The following AGPAT3 variants were observed in gnomAD, a reference collection of about 807,000 sequenced individuals.
The protein encoded by AGPAT3 is 1-acylglycerol-3-phosphate O-acyltransferase 3, also known as 1-acyl-sn-glycerol-3-phosphate acyltransferase gamma.
AGPAT3 carries 5 observed loss-of-function variants against 47.3 expected under a neutral mutation model. The observed-to-expected ratio is 0.11, with a 90% CI of 0.06 to 0.22. The LOEUF is 0.22. AGPAT3 is among the 10% of genes least tolerant of loss of function. The pLI is 1.00. For synonymous variants in AGPAT3, 212 were observed against 208.3 expected (o/e 1.02, Z -0.15); for missense variants, 315 against 493.0 (o/e 0.64, Z 3.42).
chr21:43,887,234 G>T (rs2085999294), intron 1 of AGPAT3, among the ~76,000 whole-genome samples: 1 of 152,178 alleles, frequency 6.6e-6, no homozygotes, highest in Non-Finnish European at 1.5e-5. Flanking sequence ...AGCTGCAATG[G>T]CCCCAAGCCT....
intron 7 of AGPAT3, among the ~76,000 whole-genome samples, chr21:43,976,484 G>C (rs1010898231): frequency 3.3e-5 from 5 of 152,240 alleles, no homozygotes; most frequent in Admixed American, 3.3e-4. Flanking sequence ...ACAGGCATGA[G>C]CCACTGTGCC....
intron 2 of AGPAT3, among the ~76,000 whole-genome samples, chr21:43,923,268 C>T (rs2086949036): frequency 6.6e-6 from 1 of 152,166 alleles, no homozygotes; most frequent in South Asian, 2.1e-4. Context: ...CATGTACCTC[C>T]AGATTCATGC....
In AGPAT3 at chr21:43,985,171, A is replaced by G. The variant is rs767747071; in HGVS notation, c.*2779A>G. Reference sequence around the variant, plus strand: ...AGCTTAGGCCCAGGTGCCAGGTGTCATGGGGTCTCCTGCCCATCTTCCCAA... The same window carrying G: ...AGCTTAGGCCCAGGTGCCAGGTGTCGTGGGGTCTCCTGCCCATCTTCCCAA... On this transcript the variant is annotated 3_prime_UTR_variant, in exon 10 of 10. Coordinates refer to ENST00000291572, the MANE Select transcript of AGPAT3 (RefSeq NM_020132.5). The G allele has an allele frequency of 2.2e-6, 1 of 456,282 alleles. No individual in the cohort carries two copies. The highest frequency in any genetic ancestry group is 1.5e-5 in the South Asian group (1 of 64,572). The allele number at this position is 456,282 out of a possible 1,614,324, so 28.3% of individuals were successfully genotyped here. A position where few individuals can be genotyped will look rare whatever the true frequency, so the allele number is the denominator to read the frequency against.
At chr21:43,960,052 A>G (rs1349703197) in intron 3 of AGPAT3, among the ~76,000 whole-genome samples, 193 bp downstream of exon 3, 1 of 152,068 alleles carries the variant, frequency 6.6e-6, no homozygotes, top group Non-Finnish European at 1.5e-5. Context: ...GTGACGTGCC[A>G]CTCTCACCAT....
chr21:43,873,073 C>T (rs561601822), intron 1 of AGPAT3, among the ~76,000 whole-genome samples: 8 of 152,174 alleles, frequency 5.3e-5, no homozygotes, highest in Admixed American at 2.0e-4. Flanking sequence ...CTGGTGCCAG[C>T]GTGGCTGCTT....
chr21:43,878,080 C>T (rs1030327704), intron 1 of AGPAT3, among the ~76,000 whole-genome samples: 1 of 152,140 alleles, frequency 6.6e-6, no homozygotes, highest in Non-Finnish European at 1.5e-5. Flanking sequence ...TTCAGTGGCC[C>T]TGCGCTTTCC....
chr21:43,906,238 C>T (rs115747329), intron 2 of AGPAT3, among the ~76,000 whole-genome samples: 2,490 of 152,158 alleles, frequency 0.016, 62 homozygotes, highest in African/African-American at 0.053. Flanking sequence ...TTCACCAAAC[C>T]GGGTGACTGT....
intron 1 of AGPAT3, among the ~76,000 whole-genome samples, chr21:43,889,655 C>G (rs2086058748): frequency 6.6e-6 from 1 of 152,178 alleles, no homozygotes; most frequent in Admixed American, 6.5e-5. Flanking sequence ...ATGCTGTGTA[C>G]AGCCATGCCA....
At position 43,983,155 on chromosome 21, in the gene AGPAT3, A is replaced by T. The variant is rs1364472033; in HGVS notation, c.*763A>T. 1 of 152,206 alleles carries T rather than the reference A, an allele frequency of 6.6e-6. No individual in the cohort carries two copies. The highest frequency in any genetic ancestry group is 2.4e-5 in the African/African-American group (1 of 41,448). 9.4% of individuals were successfully genotyped at this position (152,206 alleles called of 1,614,324 possible). A position where few individuals can be genotyped will look rare whatever the true frequency, so the allele number is the denominator to read the frequency against. On this transcript the variant is annotated 3_prime_UTR_variant, in exon 10 of 10. Transcript: ENST00000291572. The stretch of plus-strand genomic sequence containing the variant: ...CACCTAAAGCTCCTTTGTCGCTCTC[A>T]TGGCTGTCAGATCCTGGTCCCTCCA...
Position 43,955,687 on chromosome 21 carries a change from C to T in AGPAT3, c.-48-3947C>T, listed in dbSNP as rs1335394552. On this transcript the variant is annotated intron_variant, in intron 2 of 9. Coordinates refer to ENST00000291572, the MANE Select transcript of AGPAT3 (RefSeq NM_020132.5). The surrounding 1 kb of genome is among the most constrained non-coding windows in gnomAD (Gnocchi z 4.1). Reference sequence around the variant, plus strand: ...TTGGGAGGTCGAGTTGGGCGGATTACCTGAGGTCAGGAGATCGAGGCCAGC... The same window carrying T: ...TTGGGAGGTCGAGTTGGGCGGATTATCTGAGGTCAGGAGATCGAGGCCAGC... 6.6e-6 allele frequency among the ~76,000 whole-genome samples: 1 copy of T among 151,930 alleles called. No homozygotes were observed. The highest frequency in any genetic ancestry group is 1.5e-5 in the Non-Finnish European group (1 of 67,982).
intron 1 of AGPAT3, among the ~76,000 whole-genome samples, chr21:43,875,931 GTTA>G (rs2085724358): frequency 6.6e-6 from 1 of 151,938 alleles, no homozygotes; most frequent in Non-Finnish European, 1.5e-5. Flanking sequence ...TATTTAACCT[GTTA>G]TTGTTGTTCT....
At chr21:43,866,457 G>A (rs9977718) in intron 1 of AGPAT3, among the ~76,000 whole-genome samples, 1,636 of 152,200 alleles carry the variant, frequency 0.011, 29 homozygotes, top group African/African-American at 0.038. Flanking sequence ...TTGCAGGCGC[G>A]GCTGCTCCGA....
At position 43,958,735 on chromosome 21, in the gene AGPAT3, ATGTGTGTGGTTTGCAGTGTGTAG is replaced by A. The variant is rs2146597649; in HGVS notation, c.-48-885_-48-863del. Among the ~76,000 whole-genome samples the A allele has an allele frequency of 2.8e-5, 3 of 108,622 alleles. No individual in the cohort carries two copies. In the South Asian group the frequency reaches 9.5e-4, roughly 34 times the overall value. 71.3% of individuals were successfully genotyped at this position (108,622 alleles called of 152,430 possible). ...GTTTGTGATGTGTGGTGTGTGTGGC[ATGTGTGTGGTTTGCAGTGTGTAG>A]TGTGTGTGGTTTGTGATGTGTGTGT... On this transcript the variant is annotated intron_variant, in intron 2 of 9. Transcript: ENST00000291572.
At chr21:43,926,547 A>C (rs1248920060) in intron 2 of AGPAT3, among the ~76,000 whole-genome samples, 1 of 150,542 alleles carries the variant, frequency 6.6e-6, no homozygotes, top group African/African-American at 2.4e-5. Flanking sequence ...CCCAGCCCCC[A>C]CGGCGCGTTC....
chr21:43,974,662 TGTG>T (rs1285080957), intron 7 of AGPAT3, among the ~76,000 whole-genome samples: 1 of 151,714 alleles, frequency 6.6e-6, no homozygotes, highest in African/African-American at 2.4e-5. Flanking sequence ...AAATTATAAA[TGTG>T]TGTGTGGTGT....
rs142996448 is a variant in AGPAT3, at chr21:43,885,493, A to G, written c.-111-18464A>G. ...AACCTCCACCTCCCGGGTTCAAGCA[A>G]TTCTCCTGTCTCAGCCTCACAGGTA... On this transcript the variant is annotated intron_variant, in intron 1 of 9. Coordinates refer to ENST00000291572, the MANE Select transcript of AGPAT3 (RefSeq NM_020132.5). 2.3e-3 allele frequency among the ~76,000 whole-genome samples: 347 copies of G among 151,692 alleles called. 4 individuals carry two copies. Among genetic ancestry groups the G allele is most frequent in the African/African-American group, 7.8e-3 (324 of 41,284 alleles).
chr21:43,912,819 T>C (rs1569060464), intron 2 of AGPAT3, among the ~76,000 whole-genome samples: 1 of 152,256 alleles, frequency 6.6e-6, no homozygotes, highest in Non-Finnish European at 1.5e-5. Flanking sequence ...TTATTTACTG[T>C]GGGTATTCCA....
chr21:43,951,588 C>T (rs963048627), intron 2 of AGPAT3, among the ~76,000 whole-genome samples: 1 of 152,190 alleles, frequency 6.6e-6, no homozygotes, highest in African/African-American at 2.4e-5. Context: ...AGCTCCTGCC[C>T]CTGCACAGAG....
intron 2 of AGPAT3, among the ~76,000 whole-genome samples, chr21:43,957,492 G>T (rs1338984864): frequency 6.6e-6 from 1 of 150,804 alleles, no homozygotes; most frequent in Non-Finnish European, 1.5e-5. Flanking sequence ...GGGGTCTCGG[G>T]TTTCCCCTCC....
Sources: allele counts gnomAD v4.1 joint callset (sites outside exome capture counted in the v4.1 genomes callset), GRCh38; gene constraint gnomAD v4.1.1; non-coding constraint Gnocchi (gnomAD v3.1); transcripts MANE v1.5; gene names NCBI Gene and HGNC (gene_info 2026-07-23, HGNC 2026-07-21).